Variants in USP34 observed in about 807,000 individuals in gnomAD.
USP34 encodes ubiquitin specific peptidase 34.
USP34 carries 70 observed loss-of-function variants against 460.3 expected under a neutral mutation model. The observed-to-expected ratio is 0.15, with a 90% CI of 0.13 to 0.19. The LOEUF is 0.19. USP34 is among the 10% of genes least tolerant of loss of function. USP34 has a pLI of 1.00. For synonymous variants in USP34, 1,647 were observed against 1,405.3 expected, an observed-to-expected ratio of 1.17 and a Z score of -3.85; for missense variants, 3,985 against 4,236.2, an observed-to-expected ratio of 0.94 and a Z score of 1.65.
rs532795526 is a variant in USP34, at chr2:61,325,499, C to A, written c.2931-42G>T. 2.0e-5 allele frequency: 26 copies of A among 1,303,060 alleles called. No homozygotes were observed. In the African/African-American group the frequency reaches 3.6e-4, roughly 18 times the overall value. The allele number at this position is 1,303,060 out of a possible 1,614,324, so 80.7% of individuals were successfully genotyped here. On this transcript the variant is annotated intron_variant, in intron 20 of 79. Coordinates refer to ENST00000398571, the MANE Select transcript of USP34 (RefSeq NM_014709.4). ...ATTAAAATAATTAAATATCCTATTTCTTAATTACTTTTAAAAATTTAGTGG... is the reference window on the plus strand; with the variant it reads ...ATTAAAATAATTAAATATCCTATTTATTAATTACTTTTAAAAATTTAGTGG...
chr2:61,421,369 T>C (rs1694350992), intron 1 of USP34, among the ~76,000 whole-genome samples: 1 of 152,178 alleles, frequency 6.6e-6, no homozygotes, highest in Non-Finnish European at 1.5e-5. Flanking sequence ...TCACACGGCG[T>C]TCCTCTTTTG....
At chr2:61,451,220 C>CAAAAAAA (rs70963432) in intron 1 of USP34, among the ~76,000 whole-genome samples, 1,066 of 50,604 alleles carry the variant, frequency 0.021, 130 homozygotes, top group African/African-American at 0.028. Context: ...GGCTTCATCT[C>CAAAAAAA]AAAAAAAAAA....
chr2:61,324,399 A>G (rs757349218), intron 21 of USP34, among the ~76,000 whole-genome samples: 5 of 152,210 alleles, frequency 3.3e-5, no homozygotes, highest in Non-Finnish European at 7.3e-5. Context: ...GTGATTTTCA[A>G]AAGATTAGCC....
intron 15 of USP34, among the ~76,000 whole-genome samples, chr2:61,346,567 GGCTCAC>G (rs1691774945): frequency 6.8e-6 from 1 of 146,002 alleles, no homozygotes; most frequent in Admixed American, 7.0e-5. Context: ...CAGGTGCAGT[GGCTCAC>G]GCCTGCAATC....
intron 43 of USP34, among the ~76,000 whole-genome samples, chr2:61,261,345 C>A (rs1207624223): frequency 6.6e-6 from 1 of 152,184 alleles, no homozygotes; most frequent in Non-Finnish European, 1.5e-5. Flanking sequence ...ACTTCTGACA[C>A]ATACAACAGC....
intron 10 of USP34, among the ~76,000 whole-genome samples, chr2:61,351,570 A>C (rs1332148650): frequency 6.6e-6 from 1 of 152,184 alleles, no homozygotes; most frequent in Non-Finnish European, 1.5e-5. Flanking sequence ...TCAAATGCAA[A>C]GTTTCCTACT....
At chr2:61,426,639 G>A (rs1254158562) in intron 1 of USP34, among the ~76,000 whole-genome samples, 4 of 152,228 alleles carry the variant, frequency 2.6e-5, no homozygotes, top group African/African-American at 9.6e-5. Context: ...AGATCTTGCT[G>A]CCCTGAAGGA....
At position 61,470,755 on chromosome 2, in the gene USP34, G is replaced by T. The variant is rs896019156; in HGVS notation, c.-63C>A. 1.4e-5 allele frequency: 21 copies of T among 1,463,412 alleles called. No homozygotes were observed. Among genetic ancestry groups the T allele is most frequent in the African/African-American group, 2.9e-5 (2 of 68,666 alleles). The allele number at this position is 1,463,412 out of a possible 1,614,324, so 90.7% of individuals were successfully genotyped here. On this transcript the variant is annotated 5_prime_UTR_variant, in exon 1 of 80. Coordinates refer to ENST00000398571, the MANE Select transcript of USP34 (RefSeq NM_014709.4). Reference sequence around the variant, plus strand: ...CACACTGACTGATCCCGACCGGCGGGGGGGAGGGGAGAGAGGCGGAGGAGG... The same window carrying T: ...CACACTGACTGATCCCGACCGGCGGTGGGGAGGGGAGAGAGGCGGAGGAGG...
Position 61,470,790 on chromosome 2 carries a change from G to C in USP34, c.-98C>G. The C allele has an allele frequency of 1.9e-6, 2 of 1,042,178 alleles. No homozygotes were observed. Among genetic ancestry groups the C allele is most frequent in the Non-Finnish European group, 2.8e-6 (2 of 716,458 alleles). 64.6% of individuals were successfully genotyped at this position (1,042,178 alleles called of 1,614,324 possible). ...AGAGAGGCGGAGGAGGGGGCCGGCC[G>C]GCCGGCGGGGCGGGGAGGCGACTAG... is the stretch of plus-strand genomic sequence containing the variant. On this transcript the variant is annotated 5_prime_UTR_variant, in exon 1 of 80. Coordinates refer to ENST00000398571, the MANE Select transcript of USP34 (RefSeq NM_014709.4).
At position 61,257,302 on chromosome 2, in the gene USP34, T is replaced by C; in HGVS notation, c.5893A>G (p.Thr1965Ala). The C allele has an allele frequency of 1.9e-6, 3 of 1,612,954 alleles. No individual in the cohort carries two copies. Among genetic ancestry groups the C allele is most frequent in the East Asian group, 2.2e-5 (1 of 44,746 alleles). The change falls in exon 45 of 80, where the codon ACC becomes GCC. Residue 1965 changes from threonine to alanine, a missense_variant. Thr to Ala is a moderately conservative substitution (Grantham distance 58, BLOSUM62 0). This residue lies in a region of USP34 where 145 missense variants were observed against 291.6 expected (regional missense o/e 0.50). Transcript: ENST00000398571. Reference protein sequence around the residue: ...YNPRPFCKTYTMDKQPLNTGE... With the variant: ...YNPRPFCKTYAMDKQPLNTGE... Reference sequence around the variant, plus strand: ...GTATTCAGAGGCTGCTTATCCATGGTGTATGTTTTACAGAAAGGTCTAGGA... The same window carrying C: ...GTATTCAGAGGCTGCTTATCCATGGCGTATGTTTTACAGAAAGGTCTAGGA...
At chr2:61,205,472 A>G (rs1243333688) in intron 72 of USP34, among the ~76,000 whole-genome samples, 1 of 152,166 alleles carries the variant, frequency 6.6e-6, no homozygotes, top group East Asian at 1.9e-4. Flanking sequence ...TGCTATTTTG[A>G]GAAAGTGTAA....
intron 2 of USP34, among the ~76,000 whole-genome samples, chr2:61,407,861 T>A (rs186862483): frequency 2.9e-3 from 435 of 152,244 alleles, no homozygotes; most frequent in Non-Finnish European, 5.2e-3. Context: ...ATGCCTGTAA[T>A]CCCAGCACTT....
intron 15 of USP34, among the ~76,000 whole-genome samples, chr2:61,345,555 T>A (rs1691742028): frequency 6.6e-6 from 1 of 152,192 alleles, no homozygotes; most frequent in South Asian, 2.1e-4. Flanking sequence ...CAGCTAACAC[T>A]TATCGAGCAC....
intron 8 of USP34, among the ~76,000 whole-genome samples, chr2:61,376,568 CTT>C (rs1381172177): frequency 3.3e-5 from 5 of 152,188 alleles, no homozygotes; most frequent in African/African-American, 1.2e-4. Flanking sequence ...ATAAGGTTCT[CTT>C]TAAGCGGTCT....
At chr2:61,300,159 C>G (rs965308010) in intron 29 of USP34, among the ~76,000 whole-genome samples, 32 of 152,170 alleles carry the variant, frequency 2.1e-4, no homozygotes, top group Admixed American at 5.2e-4. Flanking sequence ...AAACAAAAAT[C>G]AGAACATGTG....
chr2:61,379,758 T>C (rs1468301913), intron 7 of USP34, among the ~76,000 whole-genome samples: 1 of 152,246 alleles, frequency 6.6e-6, no homozygotes, highest in Non-Finnish European at 1.5e-5. Context: ...AAAAACAGTA[T>C]TTAAGACTAT....
intron 3 of USP34, among the ~76,000 whole-genome samples, chr2:61,398,701 C>T (rs752312520): frequency 4.6e-5 from 7 of 152,128 alleles, no homozygotes; most frequent in Non-Finnish European, 1.0e-4. Flanking sequence ...ACCAAAGAAA[C>T]CCATTCATCA....
intron 48 of USP34, among the ~76,000 whole-genome samples, chr2:61,255,533 GA>G (rs1688701732): frequency 6.6e-6 from 1 of 152,220 alleles, no homozygotes; most frequent in Non-Finnish European, 1.5e-5. Context: ...GTAAAATGGG[GA>G]TAATAACAGC....
In USP34 at chr2:61,190,309, G is replaced by C. The variant is rs762694126; in HGVS notation, c.9835C>G (p.Arg3279Gly). Residue 3279 changes from arginine (R) to glycine (G), a missense_variant, in exon 78 of 80, where the codon CGA becomes GGA. By Grantham distance (125) the Arg-to-Gly change is moderately radical (BLOSUM62 -2). Coordinates refer to ENST00000398571, the MANE Select transcript of USP34 (RefSeq NM_014709.4). ...YQNLQSDFSNRVEISKASASL... is the reference protein window; with the variant it reads ...YQNLQSDFSNGVEISKASASL... ...GCACTTGCTTTGGAAATTTCAACTC[G>C]GTTGGAGAAATCAGACTGTAGGTTC... The C allele has an allele frequency of 5.0e-5, 81 of 1,613,544 alleles. No homozygotes were observed. The highest frequency in any genetic ancestry group is 6.8e-5 in the Non-Finnish European group (80 of 1,179,914).
Sources: allele counts gnomAD v4.1 joint callset (sites outside exome capture counted in the v4.1 genomes callset), GRCh38; gene constraint gnomAD v4.1.1; regional missense constraint gnomAD v4.1.1; transcripts MANE v1.5; gene names NCBI Gene and HGNC (gene_info 2026-07-23, HGNC 2026-07-21).